FBN2: variants seen among roughly 807,000 people sequenced by gnomAD.
FBN2 encodes the protein fibrillin 2.
FBN2 carries 105 observed loss-of-function variants against 355.6 expected under a neutral mutation model. That is an observed-to-expected ratio of 0.30 (90% CI 0.25 to 0.35). The LOEUF is 0.35. Among genes scored for constraint, FBN2 ranks in the 10% least tolerant of loss-of-function variants. The pLI, the probability that FBN2 is intolerant of heterozygous loss-of-function variation, is 1.00. For missense variants in FBN2, 3,280 were observed against 3,758.7 expected, an observed-to-expected ratio of 0.87 and a Z score of 3.33; for synonymous variants, 1,350 against 1,301.2, an observed-to-expected ratio of 1.04 and a Z score of -0.81.
chr5:128,454,000 C>A (rs947184554), intron 6 of FBN2, among the ~76,000 whole-genome samples: 2 of 151,266 alleles, frequency 1.3e-5, no homozygotes, highest in African/African-American at 2.4e-5. Context: ...GCCCCCCCCC[C>A]AAGTTTCTCC....
At chr5:128,497,197 G>T (rs1357248968) in intron 5 of FBN2, among the ~76,000 whole-genome samples, 2 of 152,096 alleles carry the variant, frequency 1.3e-5, no homozygotes, top group African/African-American at 4.8e-5. Context: ...TTATAATGAA[G>T]GGCAGCCTGA....
At chr5:128,303,981 TAGG>T (rs1211719841) in intron 45 of FBN2, among the ~76,000 whole-genome samples, 2 of 152,176 alleles carry the variant, frequency 1.3e-5, no homozygotes, top group Non-Finnish European at 2.9e-5. Context: ...CCTGCCATTA[TAGG>T]AGAAGTCCAA....
chr5:128,537,340 G>A lies in FBN2; in HGVS notation c.254+10C>T. ...CGGAGCCCTAGGTGCGGAGCCGCTT[G>A]CCCACTTACCCTCGGAGCACGTCCT... On this transcript the variant is annotated intron_variant, in intron 1 of 64. Coordinates refer to ENST00000262464, the MANE Select transcript of FBN2 (RefSeq NM_001999.4). The A allele has an allele frequency of 6.2e-7, 1 of 1,609,710 alleles. No individual in the cohort carries two copies.
chr5:128,445,896 A>G (rs1028001606), intron 7 of FBN2, among the ~76,000 whole-genome samples: 3 of 152,172 alleles, frequency 2.0e-5, no homozygotes, highest in African/African-American at 7.2e-5. Context: ...TTTCAATATT[A>G]TAATCCATAT....
intron 4 of FBN2, among the ~76,000 whole-genome samples, chr5:128,525,881 T>C (rs1041318020): frequency 5.9e-5 from 9 of 152,298 alleles, no homozygotes; most frequent in Middle Eastern, 3.4e-3. Flanking sequence ...GTCTATAAAG[T>C]ATACAATTTT....
In FBN2 at chr5:128,392,109, A is replaced by C. The variant is rs762361934; in HGVS notation, c.1512T>G (p.Leu504=). ...TIDICKHHAN[L]CLNGRCIPTV... is the part of the protein sequence containing the mutation. The stretch of plus-strand genomic sequence containing the variant: ...TTGGTATACAGCGTCCATTTAAACA[A>C]AGGTTAGCATGATGCTTACAGATAT... Residue 504 remains leucine (L), a synonymous_variant, in exon 11 of 65, where the codon CTT becomes CTG. Transcript: ENST00000262464. The C allele has an allele frequency of 1.2e-6, 2 of 1,613,612 alleles. No individual in the cohort carries two copies. The highest frequency in any genetic ancestry group is 1.7e-6 in the Non-Finnish European group (2 of 1,179,592).
intron 36 of FBN2, among the ~76,000 whole-genome samples, chr5:128,316,444 A>G (rs2126851877): frequency 6.6e-6 from 1 of 152,352 alleles, no homozygotes; most frequent in East Asian, 1.9e-4. Context: ...AGATAGAATA[A>G]GTCCTTGTTT....
chr5:128,447,102 G>A (rs375256996), intron 6 of FBN2, among the ~76,000 whole-genome samples: 13 of 152,060 alleles, frequency 8.5e-5, no homozygotes, highest in Non-Finnish European at 1.2e-4. Flanking sequence ...TGTCATCTTC[G>A]TAAGCTGAGG....
chr5:128,337,998 C>T lies in FBN2; in HGVS notation c.3597G>A (p.Val1199=), dbSNP rs1750891066. ...HELSPSREDC[V]DINECSLSDN... ...TATGTGCTGAGGAGATAAACTCACC[C>T]ACACAGTCCTCACGGGATGGTGACA... The change falls in exon 27 of 65, where the codon GTG becomes GTA. Residue 1199 remains valine, a splice_region_variant and synonymous_variant. Transcript: ENST00000262464. 1 of 1,614,048 alleles carries T rather than the reference C, an allele frequency of 6.2e-7. No homozygotes were observed. The highest frequency in any genetic ancestry group is 8.5e-7 in the Non-Finnish European group (1 of 1,179,958).
Position 128,274,547 on chromosome 5 carries a change from C to A in FBN2, c.7711+20G>T. 2.2e-6 allele frequency: 3 copies of A among 1,377,932 alleles called. No homozygotes were observed. Among genetic ancestry groups the A allele is most frequent in the Non-Finnish European group, 3.1e-6 (3 of 964,582 alleles). 85.4% of individuals were successfully genotyped at this position (1,377,932 alleles called of 1,614,324 possible). On this transcript the variant is annotated intron_variant, in intron 60 of 64. Transcript: ENST00000262464. ...TCTACTAGAAGTTTGTAAAATTTCC[C>A]ATTTGTAACTTTGTCTTACCGATAC...
At chr5:128,514,393 A>G (rs188994255) in intron 5 of FBN2, among the ~76,000 whole-genome samples, 1 of 151,766 alleles carries the variant, frequency 6.6e-6, no homozygotes, top group African/African-American at 2.4e-5. Flanking sequence ...TTTTGTTCCT[A>G]CTCCTATTAC....
intron 5 of FBN2, among the ~76,000 whole-genome samples, chr5:128,475,009 G>T (rs1049283191): frequency 1.3e-5 from 2 of 152,180 alleles, no homozygotes; most frequent in Non-Finnish European, 2.9e-5. Context: ...CCAGTTATTT[G>T]CTGCATGAAG....
intron 7 of FBN2, among the ~76,000 whole-genome samples, chr5:128,440,454 AAG>A (rs2127046328): frequency 6.6e-6 from 1 of 152,298 alleles, no homozygotes; most frequent in Admixed American, 6.5e-5. Context: ...GAGCAGGAGA[AAG>A]AGAGACAGAA....
chr5:128,349,567 TCA>T, intron 22 of FBN2, 95 bp from the exon 23 acceptor site: 1 of 1,373,982 alleles, frequency 7.3e-7, no homozygotes, highest in Non-Finnish European at 1.0e-6. Context: ...CAATCCACAT[TCA>T]ATACAATGTG....
intron 15 of FBN2, among the ~76,000 whole-genome samples, chr5:128,372,887 A>C (rs970613086): frequency 1.3e-5 from 2 of 152,162 alleles, no homozygotes; most frequent in Non-Finnish European, 2.9e-5. Flanking sequence ...ATGGAATCCC[A>C]AAGTGTTGGG....
At chr5:128,405,134 G>A (rs1752892761) in intron 8 of FBN2, among the ~76,000 whole-genome samples, 1 of 152,162 alleles carries the variant, frequency 6.6e-6, no homozygotes, top group South Asian at 2.1e-4. Flanking sequence ...TGGTGCCACT[G>A]CATTCCAACC....
At chr5:128,262,432 G>A (rs1420753822) in intron 63 of FBN2, among the ~76,000 whole-genome samples, 5 of 152,142 alleles carry the variant, frequency 3.3e-5, no homozygotes, top group Non-Finnish European at 7.3e-5. Context: ...TGAGCCCCAT[G>A]CTTTCCCAAT....
rs1371731110 is a variant in FBN2 at position 128,276,042 on chromosome 5, G to A, written c.7590C>T (p.Cys2530=). 6.2e-7 allele frequency: 1 copy of A among 1,613,530 alleles called. No homozygotes were observed. The highest frequency in any genetic ancestry group is 8.5e-7 in the Non-Finnish European group (1 of 1,179,658). The stretch of plus-strand genomic sequence containing the variant: ...TGTCAGAGACTCTTCACTCACCTTT[G>A]CATGTCTTTCCATCCTCTTGCAGGA... The part of the protein sequence containing the change: ...GYVLQEDGKT[C]KDLDECQTKQ... Residue 2530 remains cysteine (C), a synonymous_variant, in exon 59 of 65, where the codon TGC becomes TGT. Transcript: ENST00000262464.
chr5:128,310,199 C>T (rs1283091964), intron 39 of FBN2, 91 bp from the exon 40 acceptor site: 9 of 1,094,774 alleles, frequency 8.2e-6, no homozygotes, highest in Middle Eastern at 2.7e-4. Context: ...ATAGGTGATT[C>T]TCTAAATCCC....
Sources: gnomAD v4.1 joint callset for allele counts (sites outside exome capture counted in the v4.1 genomes callset) on GRCh38, gnomAD v4.1.1 for gene constraint, MANE v1.5 for transcripts, NCBI Gene and HGNC (gene_info 2026-07-23, HGNC 2026-07-21) for gene names.